MPLKIP: variants seen among roughly 807,000 people sequenced by gnomAD.
The protein encoded by MPLKIP is M-phase specific PLK1 interacting protein.
MPLKIP carries 16 observed loss-of-function variants against 16.9 expected under a neutral mutation model. That is an observed-to-expected ratio of 0.94 (90% CI 0.64 to 1.43). The LOEUF is 1.43. Ranked by LOEUF, MPLKIP falls within the 40% of genes most tolerant of loss-of-function variation. The probability of loss-of-function intolerance (pLI) is 0.00; values close to 1 mark genes in which losing one functional copy is unlikely to be tolerated. For synonymous variants in MPLKIP, 126 were observed against 98.4 expected (o/e 1.28, Z -1.66); for missense variants, 282 against 237.6 (o/e 1.19, Z -1.23).
chr7:40,128,915 CAAAAAAAAAA>C lies in MPLKIP; in HGVS notation c.*4134_*4143del, dbSNP rs764163833. 9.6e-5 allele frequency: 6 copies of C among 62,372 alleles called. No individual in the cohort carries two copies. In the Admixed American group the frequency reaches 1.3e-3, roughly 13 times the overall value. The allele number at this position is 62,372 out of a possible 1,614,324, so 3.9% of individuals were successfully genotyped here. A position where few individuals can be genotyped will look rare whatever the true frequency, so the allele number is the denominator to read the frequency against. On this transcript the variant is annotated 3_prime_UTR_variant, in exon 2 of 2. Coordinates refer to ENST00000306984, the MANE Select transcript of MPLKIP (RefSeq NM_138701.4). The stretch of plus-strand genomic sequence containing the variant: ...TGGGTGACAGAACAAGACTTCGTCT[CAAAAAAAAAA>C]AAAAAAAAAAAAGAATGGTGGAAAT...
Position 40,134,395 on chromosome 7 carries a change from GACC to G in MPLKIP, c.170_172del (p.Arg57_Ser58delinsPro). 6.4e-7 allele frequency: 1 copy of G among 1,561,910 alleles called. No homozygotes were observed. ...AGAGTGACTGCTCCCGTACGGCCTA[GACC>G]GGGGCCCGTACGGCGGCGTGTGGTG... is the stretch of plus-strand genomic sequence containing the variant. On this transcript the variant is annotated inframe_deletion, in exon 1 of 2. Transcript: ENST00000306984.
chr7:40,127,704 A>G lies in MPLKIP; in HGVS notation c.*5355T>C, dbSNP rs1236722207. ...ATAAAATAATAGTGAATCTCAAAGCATCTTAAATTAGATGATAAATTATGG... is the reference window on the plus strand; with the variant it reads ...ATAAAATAATAGTGAATCTCAAAGCGTCTTAAATTAGATGATAAATTATGG... On this transcript the variant is annotated 3_prime_UTR_variant, in exon 2 of 2. Transcript: ENST00000306984. 1.3e-5 allele frequency: 2 copies of G among 152,204 alleles called. No individual in the cohort carries two copies. Among genetic ancestry groups the G allele is most frequent in the Non-Finnish European group, 2.9e-5 (2 of 68,042 alleles). The allele number at this position is 152,204 out of a possible 1,614,324, so 9.4% of individuals were successfully genotyped here. A position where few individuals can be genotyped will look rare whatever the true frequency, so the allele number is the denominator to read the frequency against.
rs1201134047 is a variant in MPLKIP at position 40,126,379 on chromosome 7, CTTATT to C, written c.*6675_*6679del. The stretch of plus-strand genomic sequence containing the variant: ...CTTGTTATACTGTGCAAATATGCAA[CTTATT>C]TATCCTTTCTCCTATGGTCATTTAG... On this transcript the variant is annotated 3_prime_UTR_variant, in exon 2 of 2. Transcript: ENST00000306984. 6.6e-6 allele frequency: 1 copy of C among 152,178 alleles called. No homozygotes were observed. Among genetic ancestry groups the C allele is most frequent in the African/African-American group, 2.4e-5 (1 of 41,434 alleles). The allele number at this position is 152,178 out of a possible 1,614,324, so 9.4% of individuals were successfully genotyped here.
In MPLKIP at chr7:40,127,139, A is replaced by G. The variant is rs1787402696; in HGVS notation, c.*5920T>C. On this transcript the variant is annotated 3_prime_UTR_variant, in exon 2 of 2. Coordinates refer to ENST00000306984, the MANE Select transcript of MPLKIP (RefSeq NM_138701.4). ...TCTGCTTTTAAGAGTACTATAGGCC[A>G]GGAACGGTGGCTTAGGCCTGTAATC... 1 of 152,230 alleles carries G rather than the reference A, an allele frequency of 6.6e-6. No homozygotes were observed. The highest frequency in any genetic ancestry group is 1.9e-4 in the East Asian group (1 of 5,202). 9.4% of individuals were successfully genotyped at this position (152,230 alleles called of 1,614,324 possible).
rs747797874 is a variant in MPLKIP, at chr7:40,134,544, G to A, written c.24C>T (p.Pro8=). 1.9e-6 allele frequency: 3 copies of A among 1,592,724 alleles called. No homozygotes were observed. Among genetic ancestry groups the A allele is most frequent in the Non-Finnish European group, 2.6e-6 (3 of 1,171,750 alleles). Reference sequence around the variant, plus strand: ...CCGGACCAGGGTAAGGAGGAGTTGGGGGCCGAAAATTCTGTCGCTGCATAT... The same window carrying A: ...CCGGACCAGGGTAAGGAGGAGTTGGAGGCCGAAAATTCTGTCGCTGCATAT... MQRQNFR[P]PTPPYPGPGG... Residue 8 remains proline, a synonymous_variant, in exon 1 of 2, where the codon CCC becomes CCT. Coordinates refer to ENST00000306984, the MANE Select transcript of MPLKIP (RefSeq NM_138701.4).
In MPLKIP at chr7:40,129,173, C is replaced by A. The variant is rs1165296023; in HGVS notation, c.*3886G>T. On this transcript the variant is annotated 3_prime_UTR_variant, in exon 2 of 2. Transcript: ENST00000306984. ...TTTGAATAGTCCAGAAACAAAAAGG[C>A]AAGGTCACTGAACACTTTCATCATT... is the stretch of plus-strand genomic sequence containing the variant. 1 of 151,906 alleles carries A rather than the reference C, an allele frequency of 6.6e-6. No homozygotes were observed. The allele number at this position is 151,906 out of a possible 1,614,324, so 9.4% of individuals were successfully genotyped here. A position where few individuals can be genotyped will look rare whatever the true frequency, so the allele number is the denominator to read the frequency against.
Position 40,130,983 on chromosome 7 carries a change from A to G in MPLKIP, c.*2076T>C, listed in dbSNP as rs1787453061. On this transcript the variant is annotated 3_prime_UTR_variant, in exon 2 of 2. Transcript: ENST00000306984. Reference sequence around the variant, plus strand: ...GGAAATGGGGGTAAATGAGAAAGTAACAGCTACCACTTATTGAGTGCTTAC... The same window carrying G: ...GGAAATGGGGGTAAATGAGAAAGTAGCAGCTACCACTTATTGAGTGCTTAC... 1 of 152,220 alleles carries G rather than the reference A, an allele frequency of 6.6e-6. No individual in the cohort carries two copies. Among genetic ancestry groups the G allele is most frequent in the South Asian group, 2.1e-4 (1 of 4,838 alleles). The allele number at this position is 152,220 out of a possible 1,614,324, so 9.4% of individuals were successfully genotyped here.
chr7:40,127,720 TAAATTATGG>T lies in MPLKIP; in HGVS notation c.*5330_*5338del, dbSNP rs1278057601. 1.3e-5 allele frequency: 2 copies of T among 152,116 alleles called. No individual in the cohort carries two copies. The highest frequency in any genetic ancestry group is 6.6e-5 in the Admixed American group (1 of 15,258). The allele number at this position is 152,116 out of a possible 1,614,324, so 9.4% of individuals were successfully genotyped here. ...TCTCAAAGCATCTTAAATTAGATGA[TAAATTATGG>T]AAATTATGAGCAAAATAAAAGAGGT... On this transcript the variant is annotated 3_prime_UTR_variant, in exon 2 of 2. Coordinates refer to ENST00000306984, the MANE Select transcript of MPLKIP (RefSeq NM_138701.4).
In MPLKIP at chr7:40,134,403, C is replaced by A. The variant is rs113464225; in HGVS notation, c.165G>T (p.Gly55=). The A allele has an allele frequency of 2.6e-6, 4 of 1,562,568 alleles. No individual in the cohort carries two copies. Among genetic ancestry groups the A allele is most frequent in the African/African-American group, 1.4e-5 (1 of 73,686 alleles). ...TGCTCCCGTACGGCCTAGACCGGGG[C>A]CCGTACGGCGGCGTGTGGTGCGGAC... The part of the protein sequence containing the change: ...YGSPHHTPPY[G]PRSRPYGSSH... Residue 55 remains glycine, a synonymous_variant, in exon 1 of 2, where the codon GGG becomes GGT. Coordinates refer to ENST00000306984, the MANE Select transcript of MPLKIP (RefSeq NM_138701.4).
chr7:40,130,774 A>G lies in MPLKIP; in HGVS notation c.*2285T>C, dbSNP rs1319781091. The G allele has an allele frequency of 1.3e-5, 2 of 152,232 alleles. No individual in the cohort carries two copies. Among genetic ancestry groups the G allele is most frequent in the African/African-American group, 2.4e-5 (1 of 41,462 alleles). 9.4% of individuals were successfully genotyped at this position (152,232 alleles called of 1,614,324 possible). A position where few individuals can be genotyped will look rare whatever the true frequency, so the allele number is the denominator to read the frequency against. On this transcript the variant is annotated 3_prime_UTR_variant, in exon 2 of 2. Coordinates refer to ENST00000306984, the MANE Select transcript of MPLKIP (RefSeq NM_138701.4). ...TTCCATTATACATCATGACCTCAAC[A>G]TATCTGGAAAGACATAATGTTGGGA... is the stretch of plus-strand genomic sequence containing the variant.
rs924967960 is a variant in MPLKIP at position 40,126,728 on chromosome 7, C to T, written c.*6331G>A. On this transcript the variant is annotated 3_prime_UTR_variant, in exon 2 of 2. Coordinates refer to ENST00000306984, the MANE Select transcript of MPLKIP (RefSeq NM_138701.4). The stretch of plus-strand genomic sequence containing the variant: ...AGGCGTGAGCCACCGCGCCCAGCCT[C>T]AATTATGGTTTTTAATGAATTTGAA... 2 of 151,808 alleles carry T rather than the reference C, an allele frequency of 1.3e-5. No individual in the cohort carries two copies. The highest frequency in any genetic ancestry group is 2.4e-5 in the African/African-American group (1 of 41,338). 9.4% of individuals were successfully genotyped at this position (151,808 alleles called of 1,614,324 possible). A position where few individuals can be genotyped will look rare whatever the true frequency, so the allele number is the denominator to read the frequency against.
In MPLKIP at chr7:40,129,195, CATT is replaced by C. The variant is rs1046221905; in HGVS notation, c.*3861_*3863del. 2.1e-4 allele frequency: 32 copies of C among 151,884 alleles called. No individual in the cohort carries two copies. Among genetic ancestry groups the C allele is most frequent in the Admixed American group, 1.2e-3 (18 of 15,254 alleles). 9.4% of individuals were successfully genotyped at this position (151,884 alleles called of 1,614,324 possible). ...AGGCAAGGTCACTGAACACTTTCAT[CATT>C]ATTTCCCAACTTGATAATACATCTG... On this transcript the variant is annotated 3_prime_UTR_variant, in exon 2 of 2. Transcript: ENST00000306984.
rs1787473972 is a variant in MPLKIP, at chr7:40,132,270, A to C, written c.*789T>G. On this transcript the variant is annotated 3_prime_UTR_variant, in exon 2 of 2. Coordinates refer to ENST00000306984, the MANE Select transcript of MPLKIP (RefSeq NM_138701.4). ...GTTCAATAATACAGAAACATGATCT[A>C]AGTATGGCAAATTTGTCTTCTCTTG... is the stretch of plus-strand genomic sequence containing the variant. 1 of 152,234 alleles carries C rather than the reference A, an allele frequency of 6.6e-6. No homozygotes were observed. The highest frequency in any genetic ancestry group is 1.5e-5 in the Non-Finnish European group (1 of 68,056). The allele number at this position is 152,234 out of a possible 1,614,324, so 9.4% of individuals were successfully genotyped here. A position where few individuals can be genotyped will look rare whatever the true frequency, so the allele number is the denominator to read the frequency against.
Position 40,134,545 on chromosome 7 carries a change from G to T in MPLKIP, c.23C>A (p.Pro8His). ...CGGACCAGGGTAAGGAGGAGTTGGG[G>T]GCCGAAAATTCTGTCGCTGCATATC... MQRQNFRPPTPPYPGPGG... is the reference protein window; with the variant it reads MQRQNFRHPTPPYPGPGG... The change falls in exon 1 of 2, where the codon CCC becomes CAC. Residue 8 changes from proline to histidine, a missense_variant. By Grantham distance (77) the Pro-to-His change is moderately conservative (BLOSUM62 -2). Transcript: ENST00000306984. 1 of 1,592,704 alleles carries T rather than the reference G, an allele frequency of 6.3e-7. No individual in the cohort carries two copies.
rs556603165 is a variant in MPLKIP at position 40,132,051 on chromosome 7, G to A, written c.*1008C>T. Reference sequence around the variant, plus strand: ...CACTTGATTTTTAAAAAATAGTTGGGGTAACAATTCTTCCATATTTTTCTC... The same window carrying A: ...CACTTGATTTTTAAAAAATAGTTGGAGTAACAATTCTTCCATATTTTTCTC... On this transcript the variant is annotated 3_prime_UTR_variant, in exon 2 of 2. Coordinates refer to ENST00000306984, the MANE Select transcript of MPLKIP (RefSeq NM_138701.4). 1.3e-5 allele frequency: 2 copies of A among 152,138 alleles called. No individual in the cohort carries two copies. The highest frequency in any genetic ancestry group is 1.9e-4 in the East Asian group (1 of 5,166). The allele number at this position is 152,138 out of a possible 1,614,324, so 9.4% of individuals were successfully genotyped here. A position where few individuals can be genotyped will look rare whatever the true frequency, so the allele number is the denominator to read the frequency against.
intron 1 of MPLKIP, among the ~76,000 whole-genome samples, chr7:40,133,768 A>G (rs1196378259): frequency 1.3e-5 from 2 of 152,022 alleles, no homozygotes; most frequent in Admixed American, 6.6e-5. Flanking sequence ...CAGACATGCT[A>G]GAGATACTCT....
Position 40,131,436 on chromosome 7 carries a change from A to C in MPLKIP, c.*1623T>G, listed in dbSNP as rs1303006877. 3 of 152,148 alleles carry C rather than the reference A, an allele frequency of 2.0e-5. No individual in the cohort carries two copies. The highest frequency in any genetic ancestry group is 2.0e-4 in the Admixed American group (3 of 15,286). 9.4% of individuals were successfully genotyped at this position (152,148 alleles called of 1,614,324 possible). A position where few individuals can be genotyped will look rare whatever the true frequency, so the allele number is the denominator to read the frequency against. ...TGATTTTGGCCGGGCATGGTGGCTCACGCCTGTAAACTCAGCACTGTGGGA... is the reference window on the plus strand; with the variant it reads ...TGATTTTGGCCGGGCATGGTGGCTCCCGCCTGTAAACTCAGCACTGTGGGA... On this transcript the variant is annotated 3_prime_UTR_variant, in exon 2 of 2. Coordinates refer to ENST00000306984, the MANE Select transcript of MPLKIP (RefSeq NM_138701.4).
At position 40,129,756 on chromosome 7, in the gene MPLKIP, G is replaced by A. The variant is rs1173128836; in HGVS notation, c.*3303C>T. On this transcript the variant is annotated 3_prime_UTR_variant, in exon 2 of 2. Transcript: ENST00000306984. Reference sequence around the variant, plus strand: ...GAGACCAGCCTGGGTAATACAGGGAGGCCCCTATAAGGAGACCCTCTAACT... The same window carrying A: ...GAGACCAGCCTGGGTAATACAGGGAAGCCCCTATAAGGAGACCCTCTAACT... 1.3e-5 allele frequency: 2 copies of A among 151,220 alleles called. No individual in the cohort carries two copies. Among genetic ancestry groups the A allele is most frequent in the Non-Finnish European group, 2.9e-5 (2 of 67,934 alleles). The allele number at this position is 151,220 out of a possible 1,614,324, so 9.4% of individuals were successfully genotyped here.
Position 40,133,276 on chromosome 7 carries a change from A to G in MPLKIP, c.340-17T>C. On this transcript the variant is annotated splice_polypyrimidine_tract_variant and intron_variant, in intron 1 of 1. Transcript: ENST00000306984. Reference sequence around the variant, plus strand: ...TGGAGAACCCTTTAGAAAAAAAATCAGTTAAAAAAACACTTAGTAAAGATA... The same window carrying G: ...TGGAGAACCCTTTAGAAAAAAAATCGGTTAAAAAAACACTTAGTAAAGATA... The G allele has an allele frequency of 6.2e-7, 1 of 1,607,052 alleles. No homozygotes were observed. Among genetic ancestry groups the G allele is most frequent in the Non-Finnish European group, 8.5e-7 (1 of 1,175,858 alleles).
Sources: gnomAD v4.1 joint callset for allele counts (sites outside exome capture counted in the v4.1 genomes callset) on GRCh38, gnomAD v4.1.1 for gene constraint, MANE v1.5 for transcripts, NCBI Gene and HGNC (gene_info 2026-07-23, HGNC 2026-07-21) for gene names.